TLE1: variants seen among roughly 807,000 people sequenced by gnomAD.
TLE1 encodes the protein transducin-like enhancer protein 1.
In TLE1, 21 loss-of-function variants were observed where a neutral mutation model predicts 89.8. The observed-to-expected ratio is 0.23, with a 90% CI of 0.17 to 0.34. TLE1 has a LOEUF of 0.34. Among genes scored for constraint, TLE1 ranks in the 10% least tolerant of loss-of-function variants. TLE1 has a pLI of 1.00. For synonymous variants in TLE1, 447 were observed against 407.6 expected (o/e 1.10, Z -1.16); for missense variants, 795 against 1,031.2 (o/e 0.77, Z 3.14).
At chr9:81,654,198 C>T (rs1211061850) in intron 4 of TLE1, among the ~76,000 whole-genome samples, 162 bp from the exon 5 acceptor site, 1 of 152,144 alleles carries the variant, frequency 6.6e-6, no homozygotes, top group Non-Finnish European at 1.5e-5. Context: ...TTGAAATAAA[C>T]AGTAGATATT....
intron 4 of TLE1, among the ~76,000 whole-genome samples, chr9:81,660,978 C>CACACACACACACACACACACACA (rs140689682): frequency 4.1e-5 from 5 of 121,758 alleles, no homozygotes; most frequent in African/African-American, 1.2e-4. Flanking sequence ...CACACACACA[C>CACACACACACACACACACACACA]ATTTAGCCTG....
At chr9:81,584,418 T>G (rs779947714) in intron 19 of TLE1, 30 bp downstream of exon 19, 1 of 1,613,522 alleles carries the variant, frequency 6.2e-7, no homozygotes, top group Non-Finnish European at 8.5e-7. Context: ...GTGGTCAAAC[T>G]GTGGATCTAG....
intron 8 of TLE1, among the ~76,000 whole-genome samples, chr9:81,629,682 C>G (rs965593259): frequency 1.3e-5 from 2 of 152,204 alleles, no homozygotes; most frequent in Non-Finnish European, 2.9e-5. Flanking sequence ...CTACTACACA[C>G]CTAGGCTACT....
chr9:81,615,856 C>T (rs1185121098), intron 11 of TLE1, 126 bp downstream of exon 11: 1 of 1,197,756 alleles, frequency 8.3e-7, no homozygotes. Flanking sequence ...ATGAGTTTCA[C>T]TATTAAACTC....
At chr9:81,668,125 A>C (rs1200463745) in intron 4 of TLE1, among the ~76,000 whole-genome samples, 1 of 151,848 alleles carries the variant, frequency 6.6e-6, no homozygotes, top group Non-Finnish European at 1.5e-5. Flanking sequence ...AGATCGCGCC[A>C]CTGCACTCCA....
chr9:81,671,387 C>A (rs1376431128), intron 4 of TLE1, among the ~76,000 whole-genome samples: 7 of 151,886 alleles, frequency 4.6e-5, no homozygotes, highest in African/African-American at 1.5e-4. Flanking sequence ...TGGCTCATAC[C>A]TGTAATCCTA....
At chr9:81,688,004 C>T (rs1016801167) in intron 1 of TLE1, among the ~76,000 whole-genome samples, 1 of 151,974 alleles carries the variant, frequency 6.6e-6, no homozygotes, top group African/African-American at 2.4e-5. Context: ...TCGGTATAGA[C>T]GTCAAGTAGG....
At chr9:81,680,142 G>A (rs1247749728) in intron 4 of TLE1, among the ~76,000 whole-genome samples, 2 of 152,198 alleles carry the variant, frequency 1.3e-5, no homozygotes, top group African/African-American at 4.8e-5. Flanking sequence ...GGAACAAACA[G>A]ACTTTTGTCT....
Position 81,634,114 on chromosome 9 carries a change from T to A in TLE1, c.560A>T (p.Asp187Val), listed in dbSNP as rs761580625. The change falls in exon 7 of 20, where the codon GAT becomes GTT. Residue 187 changes from aspartate to valine, a missense_variant. Transcript: ENST00000376499. ...LAIKDDKKHH[D>V]AEHHRDREPG... is the part of the protein sequence containing the mutation. Reference sequence around the variant, plus strand: ...CCTCTCACCTCTGTGGTGCTCTGCATCGTGGTGCTTCTTGTCATCTTTTAT... The same window carrying A: ...CCTCTCACCTCTGTGGTGCTCTGCAACGTGGTGCTTCTTGTCATCTTTTAT... 2.5e-6 allele frequency: 4 copies of A among 1,609,112 alleles called. No individual in the cohort carries two copies. Among genetic ancestry groups the A allele is most frequent in the Admixed American group, 3.4e-5 (2 of 59,638 alleles).
At chr9:81,665,841 C>T (rs1831396023) in intron 4 of TLE1, among the ~76,000 whole-genome samples, 1 of 145,164 alleles carries the variant, frequency 6.9e-6, no homozygotes, top group African/African-American at 2.6e-5. Context: ...GCTTGCCAGG[C>T]CCCACTTGAG....
intron 16 of TLE1, among the ~76,000 whole-genome samples, chr9:81,589,266 C>T (rs1261528761): frequency 2.6e-5 from 4 of 152,196 alleles, no homozygotes; most frequent in Non-Finnish European, 4.4e-5. Context: ...AAAACACCTT[C>T]CTCTGCTGAC....
intron 4 of TLE1, among the ~76,000 whole-genome samples, chr9:81,668,342 A>G (rs563790701): frequency 6.6e-6 from 1 of 152,328 alleles, no homozygotes; most frequent in African/African-American, 2.4e-5. Flanking sequence ...CTGGGATGCT[A>G]GCTAAATTTT....
intron 4 of TLE1, among the ~76,000 whole-genome samples, chr9:81,680,388 C>T (rs1363633423): frequency 1.3e-5 from 2 of 152,104 alleles, no homozygotes; most frequent in African/African-American, 4.8e-5. Context: ...CTGTCCTCAC[C>T]CTATTCCCAA....
chr9:81,614,538 G>T (rs997987684), intron 11 of TLE1, among the ~76,000 whole-genome samples: 1 of 152,118 alleles, frequency 6.6e-6, no homozygotes, highest in Non-Finnish European at 1.5e-5. Context: ...CAAAGAGCAC[G>T]GGCTAAAGAG....
At chr9:81,685,585 C>A in intron 4 of TLE1, 91 bp downstream of exon 4, 1 of 1,328,542 alleles carries the variant, frequency 7.5e-7, no homozygotes. Flanking sequence ...CAAACCCCCA[C>A]CCCTAGAGCC....
rs532789789 is a variant in TLE1 at position 81,638,665 on chromosome 9, C to T, written c.373-4364G>A. 3.9e-5 allele frequency among the ~76,000 whole-genome samples: 6 copies of T among 152,290 alleles called. No homozygotes were observed. The South Asian group carries it at 6.2e-4, about 16-fold the overall frequency. ...TTTTGAGACAGAGTCTTCACTGTTG[C>T]CCAGGCTGGAATACAGTGGCGCAAT... is the stretch of plus-strand genomic sequence containing the variant. On this transcript the variant is annotated intron_variant, in intron 6 of 19. Coordinates refer to ENST00000376499, the MANE Select transcript of TLE1 (RefSeq NM_005077.5).
Position 81,616,073 on chromosome 9 carries a change from T to C in TLE1, c.827A>G (p.Asn276Ser). ...AGAAGCATCCTTCTTTAGCAGGCGA[T>C]TTTTGTCGATTCCATTTTCCCGGGG... The part of the protein sequence containing the change: ...HSPRENGIDK[N>S]RLLKKDASSS... The change falls in exon 11 of 20, where the codon AAT becomes AGT. Residue 276 changes from asparagine (N) to serine (S), a missense_variant. Asn to Ser is a conservative substitution (Grantham distance 46). Transcript: ENST00000376499. 6.2e-7 allele frequency: 1 copy of C among 1,614,148 alleles called. No homozygotes were observed. Among genetic ancestry groups the C allele is most frequent in the Non-Finnish European group, 8.5e-7 (1 of 1,180,030 alleles).
At position 81,583,839 on chromosome 9, in the gene TLE1, T is replaced by C. The variant is rs1587830197; in HGVS notation, c.*359A>G. ...CCACTGCTCTACAAAGGACGGAAAG[T>C]GAGGTGAACTGCAAGGAACAGAAAG... On this transcript the variant is annotated 3_prime_UTR_variant, in exon 20 of 20. Transcript: ENST00000376499. The C allele has an allele frequency of 4.7e-6, 1 of 212,772 alleles. No individual in the cohort carries two copies. The highest frequency in any genetic ancestry group is 9.8e-5 in the East Asian group (1 of 10,208). The allele number at this position is 212,772 out of a possible 1,614,324, so 13.2% of individuals were successfully genotyped here. A position where few individuals can be genotyped will look rare whatever the true frequency, so the allele number is the denominator to read the frequency against.
chr9:81,683,512 T>A (rs546752918), intron 4 of TLE1, among the ~76,000 whole-genome samples: 1 of 152,236 alleles, frequency 6.6e-6, no homozygotes, highest in Non-Finnish European at 1.5e-5. Context: ...ACGTCACCAG[T>A]TTTAATAAGA....
Sources: allele counts gnomAD v4.1 joint callset (sites outside exome capture counted in the v4.1 genomes callset), GRCh38; gene constraint gnomAD v4.1.1; transcripts MANE v1.5; gene names NCBI Gene and HGNC (gene_info 2026-07-23, HGNC 2026-07-21).